Variants in TENM4 observed in about 807,000 individuals in gnomAD.
The protein encoded by TENM4 is teneurin-4.
In TENM4, 82 loss-of-function variants were observed where a neutral mutation model predicts 243.3. That is an observed-to-expected ratio of 0.34 (90% CI 0.28 to 0.40). TENM4 has a LOEUF of 0.40. Ranked by LOEUF, TENM4 falls within the 10% of genes least tolerant of loss-of-function variation. TENM4 has a pLI of 1.00. For missense variants in TENM4, 3,138 were observed against 3,673.3 expected (o/e 0.85, Z 3.77); for synonymous variants, 1,412 against 1,456.3 (o/e 0.97, Z 0.69).
At chr11:79,212,209 A>G (rs1339916257) in intron 3 of TENM4, among the ~76,000 whole-genome samples, 1 of 152,202 alleles carries the variant, frequency 6.6e-6, no homozygotes, top group African/African-American at 2.4e-5. Context: ...CAGATGGTCA[A>G]TGCTTATAAC....
intron 25 of TENM4, among the ~76,000 whole-genome samples, chr11:78,714,636 C>G (rs1428457454): frequency 6.6e-6 from 1 of 152,172 alleles, no homozygotes; most frequent in Non-Finnish European, 1.5e-5. Flanking sequence ...GCTCCCTGCC[C>G]CTGCACAAAT....
chr11:79,062,954 C>T (rs1236287553), intron 6 of TENM4, among the ~76,000 whole-genome samples: 1 of 152,028 alleles, frequency 6.6e-6, no homozygotes, highest in Non-Finnish European at 1.5e-5. Context: ...GAGGGAAACT[C>T]CTCTGGTACT....
chr11:79,138,835 C>A (rs1333652439), intron 4 of TENM4, among the ~76,000 whole-genome samples: 9 of 114,108 alleles, frequency 7.9e-5, no homozygotes, highest in African/African-American at 1.1e-4. Flanking sequence ...ACAAAACATA[C>A]ATTATATTTA....
intron 12 of TENM4, among the ~76,000 whole-genome samples, chr11:78,814,841 A>G (rs1485610509): frequency 6.6e-6 from 1 of 152,174 alleles, no homozygotes; most frequent in Non-Finnish European, 1.5e-5. Context: ...GCATTTACAA[A>G]TCTGTCTTTT....
In TENM4 at chr11:78,688,247, C is replaced by A. The variant is rs1858734580; in HGVS notation, c.5088-21G>T. 5.0e-6 allele frequency: 8 copies of A among 1,608,276 alleles called. No individual in the cohort carries two copies. The East Asian group carries it at 1.8e-4, about 36-fold the overall frequency. ...CGTACCTGGAAACCAAGGGGTGGCA[C>A]TGAGTAGTAGAAATATAATGGTGCT... On this transcript the variant is annotated intron_variant, in intron 28 of 33. Transcript: ENST00000278550.
chr11:79,430,379 G>A (rs1859141792), intron 1 of TENM4, among the ~76,000 whole-genome samples: 1 of 152,152 alleles, frequency 6.6e-6, no homozygotes, highest in Non-Finnish European at 1.5e-5. Context: ...ACCAGAGAGA[G>A]CATAAGACTC....
intron 3 of TENM4, among the ~76,000 whole-genome samples, chr11:79,168,592 C>G (rs1400224823): frequency 6.6e-6 from 1 of 152,176 alleles, no homozygotes; most frequent in Non-Finnish European, 1.5e-5. Context: ...ATCTTGGTAG[C>G]TGGTTGATAC....
chr11:78,756,706 T>C (rs1309078689), intron 19 of TENM4, 99 bp downstream of exon 19: 3 of 1,170,406 alleles, frequency 2.6e-6, no homozygotes, highest in African/African-American at 1.5e-5. Flanking sequence ...GCTCTCACGT[T>C]CCTGGCTTCC....
At chr11:79,131,814 A>G (rs1862008240) in intron 4 of TENM4, among the ~76,000 whole-genome samples, 1 of 152,172 alleles carries the variant, frequency 6.6e-6, no homozygotes, top group African/African-American at 2.4e-5. Context: ...GTAAGGACTC[A>G]CATAAATTTA....
At position 79,424,700 on chromosome 11, in the gene TENM4, C is replaced by T. The variant is rs538156256; in HGVS notation, c.-321+15809G>A. Among the ~76,000 whole-genome samples, 5 of 151,776 alleles carry T rather than the reference C, an allele frequency of 3.3e-5. No homozygotes were observed. In the East Asian group the frequency reaches 7.8e-4, roughly 24 times the overall value. Reference sequence around the variant, plus strand: ...CTGTAATCCCAACACTTTGGGAGGCCGAGGCGGGCGGATCATGAGGTCAGG... The same window carrying T: ...CTGTAATCCCAACACTTTGGGAGGCTGAGGCGGGCGGATCATGAGGTCAGG... On this transcript the variant is annotated intron_variant, in intron 1 of 33. Transcript: ENST00000278550.
At chr11:79,286,423 G>T (rs544146760) in intron 2 of TENM4, among the ~76,000 whole-genome samples, 3 of 151,370 alleles carry the variant, frequency 2.0e-5, no homozygotes, top group Admixed American at 6.6e-5. Flanking sequence ...AGGTGGAGGT[G>T]GGGGGGATCA....
At chr11:79,004,700 CAA>C (rs1489243997) in intron 6 of TENM4, among the ~76,000 whole-genome samples, 1 of 151,930 alleles carries the variant, frequency 6.6e-6, no homozygotes, top group Non-Finnish European at 1.5e-5. Context: ...ACTAGAGAAA[CAA>C]GAGCAAACCA....
chr11:79,273,994 C>T (rs1038158901), intron 2 of TENM4, among the ~76,000 whole-genome samples: 1 of 152,206 alleles, frequency 6.6e-6, no homozygotes, highest in African/African-American at 2.4e-5. Flanking sequence ...TGCTGGCCTC[C>T]TCCTCAGCAT....
At chr11:79,168,416 G>T (rs1862965274) in intron 3 of TENM4, among the ~76,000 whole-genome samples, 1 of 152,162 alleles carries the variant, frequency 6.6e-6, no homozygotes, top group Admixed American at 6.5e-5. Flanking sequence ...GGAGGTCAGG[G>T]TGGGCTTCCT....
chr11:78,890,135 G>A (rs76327480), intron 8 of TENM4, 115 bp from the exon 9 acceptor site: 4 of 772,548 alleles, frequency 5.2e-6, no homozygotes, highest in South Asian at 1.9e-5. Flanking sequence ...CCTGGATAGA[G>A]AGAGTCACCA....
intron 1 of TENM4, among the ~76,000 whole-genome samples, chr11:79,420,672 C>T (rs1362083298): frequency 6.6e-6 from 1 of 151,920 alleles, no homozygotes; most frequent in Non-Finnish European, 1.5e-5. Flanking sequence ...GGACACAAAC[C>T]AGTTTTTTTT....
intron 18 of TENM4, among the ~76,000 whole-genome samples, chr11:78,765,112 C>T (rs546671624): frequency 6.6e-6 from 1 of 152,306 alleles, no homozygotes; most frequent in African/African-American, 2.4e-5. Context: ...CCATATCTCG[C>T]TCTTGTCTGC....
intron 2 of TENM4, among the ~76,000 whole-genome samples, chr11:79,262,001 G>C (rs2135326555): frequency 6.6e-6 from 1 of 152,318 alleles, no homozygotes. Context: ...ATATTTTGAA[G>C]AAATAGCCTT....
chr11:79,138,576 TTATATAAATACATA>T (rs1862171424), intron 4 of TENM4, among the ~76,000 whole-genome samples: 2 of 86,026 alleles, frequency 2.3e-5, no homozygotes, highest in South Asian at 3.2e-4. Flanking sequence ...AAACATATAT[TTATATAAATACATA>T]AAACATATAT....
Sources: gnomAD v4.1 joint callset for allele counts (sites outside exome capture counted in the v4.1 genomes callset) on GRCh38, gnomAD v4.1.1 for gene constraint, MANE v1.5 for transcripts, NCBI Gene and HGNC (gene_info 2026-07-23, HGNC 2026-07-21) for gene names.